Variants in TTC6 observed in about 807,000 individuals in gnomAD.
TTC6 encodes tetratricopeptide repeat protein 6.
A neutral mutation model predicts 210.4 loss-of-function variants in TTC6; 172 were observed. The ratio of observed to expected loss-of-function variants is 0.82; its 90% CI spans 0.72 to 0.93. The LOEUF (loss-of-function observed/expected upper bound fraction) is 0.93. Ranked by LOEUF, TTC6 falls within the 40% of genes least tolerant of loss-of-function variation. The probability of loss-of-function intolerance (pLI) is 0.00; values close to 1 mark genes in which losing one functional copy is unlikely to be tolerated. For synonymous variants in TTC6, 804 were observed against 819.6 expected (o/e 0.98, Z 0.32); for missense variants, 2,414 against 2,318.1 (o/e 1.04, Z -0.85).
chr14:37,779,459 T>C (rs2096048072), intron 14 of TTC6, among the ~76,000 whole-genome samples: 1 of 152,198 alleles, frequency 6.6e-6, no homozygotes, highest in Admixed American at 6.5e-5. Context: ...TACTGCATTT[T>C]CTTTGTCTTT....
intron 29 of TTC6, among the ~76,000 whole-genome samples, chr14:37,829,474 C>A (rs1323023547): frequency 6.6e-6 from 1 of 151,856 alleles, no homozygotes; most frequent in Non-Finnish European, 1.5e-5. Context: ...AGTTTCTCTA[C>A]TATGAACAAC....
At chr14:37,680,038 T>G in intron 1 of TTC6, 113 bp from the exon 4 acceptor site, 6 of 626,832 alleles carry the variant, frequency 9.6e-6, no homozygotes, top group Non-Finnish European at 1.6e-5. Context: ...GACTAGTTTA[T>G]ATGTCTCTAT....
At chr14:37,762,903 C>T (rs1358129095) in intron 14 of TTC6, among the ~76,000 whole-genome samples, 11 of 129,654 alleles carry the variant, frequency 8.5e-5, no homozygotes, top group East Asian at 6.7e-4. Flanking sequence ...TTTTTTGAGA[C>T]GGAGTCTGGC....
chr14:37,808,872 T>C (rs770767657), intron 24 of TTC6, 26 bp downstream of exon 26: 12 of 1,222,888 alleles, frequency 9.8e-6, no homozygotes, highest in Non-Finnish European at 1.4e-5. Context: ...TAGTAAACAA[T>C]GTGTTTAAAG....
At chr14:37,793,652 A>G (rs923859249) in intron 17 of TTC6, among the ~76,000 whole-genome samples, 7 of 152,334 alleles carry the variant, frequency 4.6e-5, no homozygotes, top group African/African-American at 1.7e-4. Context: ...CTGTTGATGA[A>G]GGTAAGACCA....
chr14:37,699,484 G>A (rs1440396070), intron 4 of TTC6, among the ~76,000 whole-genome samples: 1 of 152,178 alleles, frequency 6.6e-6, no homozygotes, highest in East Asian at 1.9e-4. Flanking sequence ...CCAAAGTCTA[G>A]GAGCCTTGAA....
chr14:37,777,922 C>T (rs1181764109), intron 14 of TTC6, among the ~76,000 whole-genome samples: 1 of 152,074 alleles, frequency 6.6e-6, no homozygotes, highest in East Asian at 1.9e-4. Flanking sequence ...CATGTTCTAA[C>T]TCTGGGGGAG....
At chr14:37,663,607 G>T (rs1201326229) in intron 1 of TTC6, among the ~76,000 whole-genome samples, 1 of 152,020 alleles carries the variant, frequency 6.6e-6, no homozygotes, top group Non-Finnish European at 1.5e-5. Context: ...TATTAGTTAT[G>T]CCAGTTACAA....
intron 26 of TTC6, among the ~76,000 whole-genome samples, chr14:37,818,848 C>T (rs770916980): frequency 6.6e-6 from 1 of 152,110 alleles, no homozygotes; most frequent in Admixed American, 6.6e-5. Flanking sequence ...GATGGAATAA[C>T]GATGACTGAT....
chr14:37,619,905 T>C (rs1354533343), upstream of TTC6, among the ~76,000 whole-genome samples: 3 of 152,096 alleles, frequency 2.0e-5, no homozygotes, highest in African/African-American at 7.2e-5. Context: ...ACCAAACCAG[T>C]ATTTTGGGAA....
At chr14:37,807,336 T>C (rs1407325387) in exon 23 of TTC6, 1 of 1,528,628 alleles carries the variant, frequency 6.5e-7, no homozygotes, top group African/African-American at 1.4e-5. Context: ...TTAAGCCGAG[T>C]AGCATTCTAT....
chr14:37,700,151 T>C (rs2095822152), intron 4 of TTC6, among the ~76,000 whole-genome samples: 3 of 152,042 alleles, frequency 2.0e-5, no homozygotes, highest in Admixed American at 2.0e-4. Context: ...GGTCATTTGG[T>C]TGTATAAGCT....
At chr14:37,638,837 A>T (rs1288924662) in intron 1 of TTC6, among the ~76,000 whole-genome samples, 1 of 152,188 alleles carries the variant, frequency 6.6e-6, no homozygotes. Context: ...TTAATTAAAG[A>T]TGTTAGGAGA....
At chr14:37,597,778 G>C (rs1302218915) in intron 1 of TTC6, among the ~76,000 whole-genome samples, 2 of 152,114 alleles carry the variant, frequency 1.3e-5, no homozygotes, top group African/African-American at 4.8e-5. Context: ...AGGCGCCTCC[G>C]GGGAGCACCG....
intron 14 of TTC6, among the ~76,000 whole-genome samples, chr14:37,774,036 G>A (rs1233628528): frequency 6.6e-6 from 1 of 152,076 alleles, no homozygotes; most frequent in African/African-American, 2.4e-5. Flanking sequence ...GAATGGGATT[G>A]CATTCTTGAT....
chr14:37,624,742 C>T (rs2095657308), intron 1 of TTC6, among the ~76,000 whole-genome samples: 1 of 152,006 alleles, frequency 6.6e-6, no homozygotes, highest in Non-Finnish European at 1.5e-5. Flanking sequence ...CTGCCTCAGC[C>T]TCCCAAGTAG....
Position 37,694,775 on chromosome 14 carries a change from T to A in TTC6, c.1258-1942T>A, listed in dbSNP as rs550919371. On this transcript the variant is annotated intron_variant, in intron 3 of 30. Transcript: ENST00000553443. ...AAAAGAATGAGGCTGGGCACAGTGGTTCATTCCTGTAATCCCAATACTTTG... is the reference window on the plus strand; with the variant it reads ...AAAAGAATGAGGCTGGGCACAGTGGATCATTCCTGTAATCCCAATACTTTG... Among the ~76,000 whole-genome samples, 22 of 152,110 alleles carry A rather than the reference T, an allele frequency of 1.4e-4. No homozygotes were observed. In the East Asian group the frequency reaches 3.7e-3, roughly 25 times the overall value.
At chr14:37,611,615 G>GGTA (rs1017872751) in intron 2 of TTC6, among the ~76,000 whole-genome samples, 2 of 152,088 alleles carry the variant, frequency 1.3e-5, no homozygotes, top group African/African-American at 2.4e-5. Flanking sequence ...GGAAGGGAGA[G>GGTA]GTAGGTGCAC....
In TTC6 at chr14:37,751,318, G is replaced by A. The variant is rs1247756642; in HGVS notation, c.3129+93G>A. On this transcript the variant is annotated intron_variant, in intron 13 of 30. Transcript: ENST00000553443. ...ACAGCAAGTTTTTGAAGGTCTTTTTGTATATATTATATAATCAAAATTGAT... is the reference window on the plus strand; with the variant it reads ...ACAGCAAGTTTTTGAAGGTCTTTTTATATATATTATATAATCAAAATTGAT... 6.9e-6 allele frequency: 6 copies of A among 863,508 alleles called. No homozygotes were observed. In the South Asian group the frequency reaches 9.9e-5, roughly 14 times the overall value. 53.5% of individuals were successfully genotyped at this position (863,508 alleles called of 1,614,324 possible). A position where few individuals can be genotyped will look rare whatever the true frequency, so the allele number is the denominator to read the frequency against.
Sources: allele counts gnomAD v4.1 joint callset (sites outside exome capture counted in the v4.1 genomes callset), GRCh38; gene constraint gnomAD v4.1.1; transcripts MANE v1.5; gene names NCBI Gene and HGNC (gene_info 2026-07-23, HGNC 2026-07-21).